Variants in KIF1A observed in about 807,000 individuals in gnomAD.
KIF1A encodes kinesin family member 1A.
In KIF1A, 46 loss-of-function variants were observed where a neutral mutation model predicts 227.3. The observed-to-expected ratio is 0.20, with a 90% CI of 0.16 to 0.26. The LOEUF (loss-of-function observed/expected upper bound fraction) is 0.26, where lower values mean the gene tolerates loss of function less well. Ranked by LOEUF, KIF1A falls within the 10% of genes least tolerant of loss-of-function variation. The probability of loss-of-function intolerance (pLI) is 1.00; values close to 1 mark genes in which losing one functional copy is unlikely to be tolerated. For synonymous variants in KIF1A, 1,022 were observed against 1,012.8 expected, an observed-to-expected ratio of 1.01 and a Z score of -0.17; for missense variants, 1,683 against 2,485.9, an observed-to-expected ratio of 0.68 and a Z score of 6.87.
chr2:240,770,899 G>T (rs1245702788), intron 15 of KIF1A, 72 bp downstream of exon 15: 7 of 1,553,738 alleles, frequency 4.5e-6, no homozygotes, highest in Admixed American at 3.5e-5. Context: ...GGAGGGCAGG[G>T]TGCCTCTCTA....
chr2:240,818,371 C>T (rs1358938062), intron 1 of KIF1A, among the ~76,000 whole-genome samples: 1 of 152,222 alleles, frequency 6.6e-6, no homozygotes, highest in African/African-American at 2.4e-5. Context: ...CCGCATCCCT[C>T]CTCATCCCTC....
intron 38 of KIF1A, among the ~76,000 whole-genome samples, chr2:240,728,235 C>T (rs143894333): frequency 6.6e-6 from 1 of 152,332 alleles, no homozygotes; most frequent in African/African-American, 2.4e-5. Flanking sequence ...GGGCTGCTGT[C>T]GGACACATGT....
At chr2:240,750,599 G>T in intron 27 of KIF1A, 52 bp from the exon 28 acceptor site, 1 of 1,326,946 alleles carries the variant, frequency 7.5e-7, no homozygotes, top group Non-Finnish European at 1.1e-6. Context: ...CGCATGTTCT[G>T]AACGGCAGCG....
At chr2:240,722,736 G>T in intron 42 of KIF1A, 80 bp from the exon 43 acceptor site, 2 of 1,195,206 alleles carry the variant, frequency 1.7e-6, no homozygotes, top group Non-Finnish European at 1.1e-6. Flanking sequence ...GCAGCAGCAT[G>T]ACCCTCTGGG....
rs777513198 is a variant in KIF1A at position 240,792,544 on chromosome 2, G to T, written c.107-3232C>A. 2.0e-5 allele frequency among the ~76,000 whole-genome samples: 3 copies of T among 151,986 alleles called. No homozygotes were observed. The highest frequency in any genetic ancestry group is 6.5e-5 in the Admixed American group (1 of 15,270). On this transcript the variant is annotated intron_variant, in intron 2 of 48. Coordinates refer to ENST00000498729, the MANE Select transcript of KIF1A (RefSeq NM_001244008.2). This position sits in a 1 kb window ranked among gnomAD's most constrained non-coding sequence, Gnocchi z 4.5. ...CGGGGGGAGGGTTGGGGTGAGGAGT[G>T]GGGGGAGCTGGAAGAAGGGGGACGG...
At chr2:240,780,770 CCA>C (rs113684618) in intron 10 of KIF1A, among the ~76,000 whole-genome samples, 806 of 71,158 alleles carry the variant, frequency 0.011, 16 homozygotes, top group African/African-American at 0.013. Flanking sequence ...CCACACAGCT[CCA>C]CACACACACA....
At position 240,716,958 on chromosome 2, in the gene KIF1A, C is replaced by T; in HGVS notation, c.*406G>A. ...TGAATATTACAGGGCTATGTGGAGG[C>T]ATTAGAAATAAATACTTATAAATAG... is the stretch of plus-strand genomic sequence containing the variant. On this transcript the variant is annotated 3_prime_UTR_variant, in exon 49 of 49. Transcript: ENST00000498729. 1 of 169,700 alleles carries T rather than the reference C, an allele frequency of 5.9e-6. No homozygotes were observed. The highest frequency in any genetic ancestry group is 1.3e-5 in the Non-Finnish European group (1 of 79,356). The allele number at this position is 169,700 out of a possible 1,614,324, so 10.5% of individuals were successfully genotyped here.
chr2:240,759,982 C>G (rs1360013113), intron 25 of KIF1A, among the ~76,000 whole-genome samples: 1 of 151,570 alleles, frequency 6.6e-6, no homozygotes, highest in Admixed American at 6.6e-5. Context: ...CACCACTGCA[C>G]TCTAGCCTGA....
intron 18 of KIF1A, 105 bp downstream of exon 18, chr2:240,767,161 C>A: frequency 8.5e-7 from 1 of 1,171,192 alleles, no homozygotes; most frequent in Non-Finnish European, 1.2e-6. Context: ...TGGGGAAGTC[C>A]AAACTCAGTG....
intron 20 of KIF1A, among the ~76,000 whole-genome samples, chr2:240,765,050 G>A (rs867587514): frequency 5.9e-5 from 9 of 152,326 alleles, no homozygotes; most frequent in Middle Eastern, 3.4e-3. Flanking sequence ...ATGGTTGTAC[G>A]TTATCTCACT....
At chr2:240,759,144 AGTGTGTGTGT>A (rs35848053) in intron 25 of KIF1A, among the ~76,000 whole-genome samples, 80 of 148,798 alleles carry the variant, frequency 5.4e-4, no homozygotes, top group African/African-American at 1.8e-3. Context: ...AATGCTTATG[AGTGTGTGTGT>A]GTGTGTGTGT....
intron 27 of KIF1A, among the ~76,000 whole-genome samples, chr2:240,754,140 TG>T (rs2049543355): frequency 6.6e-6 from 1 of 152,186 alleles, no homozygotes; most frequent in Admixed American, 6.5e-5. Flanking sequence ...ATGGGCAAGA[TG>T]CAGCCCAGAC....
chr2:240,746,314 C>A (rs555056455), intron 29 of KIF1A, 137 bp from the exon 30 acceptor site: 3 of 986,034 alleles, frequency 3.0e-6, no homozygotes, highest in Non-Finnish European at 4.4e-6. Context: ...ACGCACCAGA[C>A]CTGTGCCTGC....
At position 240,783,653 on chromosome 2, in the gene KIF1A, C is replaced by T. The variant is rs117469190; in HGVS notation, c.798+86G>A. 4,004 of 1,104,938 alleles carry T rather than the reference C, an allele frequency of 3.6e-3. 116 individuals are homozygous for T. In the East Asian group the frequency reaches 0.069, roughly 19 times the overall value. The allele number at this position is 1,104,938 out of a possible 1,614,324, so 68.4% of individuals were successfully genotyped here. A position where few individuals can be genotyped will look rare whatever the true frequency, so the allele number is the denominator to read the frequency against. On this transcript the variant is annotated intron_variant, in intron 8 of 48. Coordinates refer to ENST00000498729, the MANE Select transcript of KIF1A (RefSeq NM_001244008.2). ...TCACCCTCAGGGTGGCCCAGGCCCC[C>T]GGGACCCCAACAGAGCCCTCCTGCC...
rs529631302 is a variant in KIF1A, at chr2:240,721,903, C to T, written c.4666-19G>A. 3.1e-6 allele frequency: 5 copies of T among 1,592,980 alleles called. No homozygotes were observed. Among genetic ancestry groups the T allele is most frequent in the South Asian group, 1.1e-5 (1 of 88,674 alleles). On this transcript the variant is annotated intron_variant, in intron 43 of 48. Transcript: ENST00000498729. ...GCAAGCACTGTGGACAGAGCACACG[C>T]GTGGTCAGGGGCCAGGCCTCCCGGG...
At chr2:240,741,184 C>A in intron 35 of KIF1A, 85 bp downstream of exon 35, 1 of 901,778 alleles carries the variant, frequency 1.1e-6, no homozygotes, top group Admixed American at 2.1e-5. Flanking sequence ...ATGCTGGCAA[C>A]CCTCAGGCAG....
chr2:240,769,563 T>G (rs1218595884), intron 16 of KIF1A, 64 bp downstream of exon 16: 3 of 1,398,646 alleles, frequency 2.1e-6, no homozygotes, highest in Non-Finnish European at 3.0e-6. Context: ...GTGCTCATCC[T>G]GCCCAGGCTC....
At chr2:240,748,438 C>A (rs574463284) in intron 28 of KIF1A, among the ~76,000 whole-genome samples, 1 of 152,302 alleles carries the variant, frequency 6.6e-6, no homozygotes, top group African/African-American at 2.4e-5. Context: ...GCCCCACGGC[C>A]TCTGGTGCAG....
Position 240,790,928 on chromosome 2 carries a change from T to C in KIF1A, c.107-1616A>G, listed in dbSNP as rs767652893. On this transcript the variant is annotated intron_variant, in intron 2 of 48. Transcript: ENST00000498729. This position sits in a 1 kb window ranked among gnomAD's most constrained non-coding sequence, Gnocchi z 5.0. The stretch of plus-strand genomic sequence containing the variant: ...CACTTCTGTTTGCGGTGCTTCCTTA[T>C]GGCAGTTCAGGGCACTGAGACCCCC... Among the ~76,000 whole-genome samples the C allele has an allele frequency of 3.9e-5, 6 of 152,168 alleles. No individual in the cohort carries two copies. The highest frequency in any genetic ancestry group is 9.7e-5 in the African/African-American group (4 of 41,448).
Sources: allele counts gnomAD v4.1 joint callset (sites outside exome capture counted in the v4.1 genomes callset), GRCh38; gene constraint gnomAD v4.1.1; non-coding constraint Gnocchi (gnomAD v3.1); transcripts MANE v1.5; gene names NCBI Gene and HGNC (gene_info 2026-07-23, HGNC 2026-07-21).